The following GNPTAB variants were observed in gnomAD, a reference collection of about 807,000 sequenced individuals.
GNPTAB encodes the protein N-acetylglucosamine-1-phosphotransferase subunits alpha/beta.
In GNPTAB, 92 loss-of-function variants were observed where a neutral mutation model predicts 136.6. The ratio of observed to expected loss-of-function variants is 0.67; its 90% CI spans 0.57 to 0.80. GNPTAB has a LOEUF of 0.80. Among genes scored for constraint, GNPTAB ranks in the 30% least tolerant of loss-of-function variants. GNPTAB has a pLI of 0.00. For synonymous variants in GNPTAB, 512 were observed against 535.1 expected, an observed-to-expected ratio of 0.96 and a Z score of 0.60; for missense variants, 1,343 against 1,501.8, an observed-to-expected ratio of 0.89 and a Z score of 1.75.
Position 101,753,480 on chromosome 12 carries a change from T to C in GNPTAB, c.3494A>G (p.Lys1165Arg). 6.2e-7 allele frequency: 1 copy of C among 1,613,836 alleles called. No homozygotes were observed. Among genetic ancestry groups the C allele is most frequent in the South Asian group, 1.1e-5 (1 of 91,076 alleles). Residue 1165 changes from lysine (K) to arginine (R), a missense_variant, in exon 19 of 21, where the codon AAG becomes AGG. Lys to Arg is a conservative substitution (Grantham distance 26, BLOSUM62 2). Coordinates refer to ENST00000299314, the MANE Select transcript of GNPTAB (RefSeq NM_024312.5). ...TTCATAGAAGTCCCTGAGAACAGCC[T>C]TCACTGTCTGAGCATCTTTATGATT... ...DHNHKDAQTVKAVLRDFYESM... is the reference protein window; with the variant it reads ...DHNHKDAQTVRAVLRDFYESM...
Position 101,764,667 on chromosome 12 carries a change from A to AT in GNPTAB, c.2249dup (p.Asn750LysfsTer8), listed in dbSNP as rs281864991. On this transcript the variant is annotated frameshift_variant, in exon 13 of 21. Coordinates refer to ENST00000299314, the MANE Select transcript of GNPTAB (RefSeq NM_024312.5). LOFTEE classifies it high-confidence loss of function. ...TTGTTTCATCTGTTATTATAGCTTG[A>AT]TTTTTTATTTTAGCATGCTGTGAGT... 6.2e-6 allele frequency: 10 copies of AT among 1,612,528 alleles called. No individual in the cohort carries two copies. The highest frequency in any genetic ancestry group is 8.5e-6 in the Non-Finnish European group (10 of 1,179,654).
At chr12:101,780,065 T>C (rs532597639) in intron 7 of GNPTAB, 87 bp downstream of exon 7, 52 of 1,311,012 alleles carry the variant, frequency 4.0e-5, no homozygotes, top group East Asian at 2.3e-4. Context: ...CAGCTAAACT[T>C]TGGGGGAAAA....
In GNPTAB at chr12:101,791,487, A is replaced by C. The variant is rs563744664; in HGVS notation, c.204-1430T>G. ...AAAAAAAAAAAATAATAAACCACGC[A>C]AAAAAAAAAAAAATCTCATCATGTT... On this transcript the variant is annotated intron_variant, in intron 2 of 20. Coordinates refer to ENST00000299314, the MANE Select transcript of GNPTAB (RefSeq NM_024312.5). Among the ~76,000 whole-genome samples the C allele has an allele frequency of 3.2e-4, 38 of 118,578 alleles. No homozygotes were observed. The South Asian group carries it at 8.9e-3, about 28-fold the overall frequency. The allele number at this position is 118,578 out of a possible 152,430, so 77.8% of individuals were successfully genotyped here.
chr12:101,803,858 T>C (rs1279539081), intron 1 of GNPTAB, among the ~76,000 whole-genome samples: 1 of 152,112 alleles, frequency 6.6e-6, no homozygotes, highest in Non-Finnish European at 1.5e-5. Context: ...GAGATTTTTA[T>C]GGAAATAAAG....
chr12:101,785,765 G>A (rs1868606277), intron 5 of GNPTAB: 1 of 475,668 alleles, frequency 2.1e-6, no homozygotes, highest in South Asian at 2.4e-5. Context: ...AGGTAATTGT[G>A]ATATCAGATT....
chr12:101,816,133 G>T (rs1427998609), intron 1 of GNPTAB, among the ~76,000 whole-genome samples: 1 of 152,102 alleles, frequency 6.6e-6, no homozygotes, highest in Non-Finnish European at 1.5e-5. Context: ...AATCATCTGG[G>T]CAGAGACTTA....
At chr12:101,774,070 A>C (rs982972754) in intron 7 of GNPTAB, among the ~76,000 whole-genome samples, 2 of 152,202 alleles carry the variant, frequency 1.3e-5, no homozygotes, top group African/African-American at 4.8e-5. Flanking sequence ...TAGCAGCATC[A>C]TCTAGAACAA....
At chr12:101,772,451 A>T (rs61938169) in intron 7 of GNPTAB, among the ~76,000 whole-genome samples, 15,125 of 152,254 alleles carry the variant, frequency 0.099, 914 homozygotes, top group East Asian at 0.2. Context: ...AATTTCATTT[A>T]TATCTTTTCC....
At position 101,764,709 on chromosome 12, in the gene GNPTAB, C is replaced by T. The variant is rs2137116860; in HGVS notation, c.2208G>A (p.Leu736=). 2 of 1,613,420 alleles carry T rather than the reference C, an allele frequency of 1.2e-6. No individual in the cohort carries two copies. Among genetic ancestry groups the T allele is most frequent in the Non-Finnish European group, 1.7e-6 (2 of 1,179,594 alleles). The change falls in exon 13 of 21, where the codon CTG becomes CTA. Residue 736 remains leucine (L), a synonymous_variant. Coordinates refer to ENST00000299314, the MANE Select transcript of GNPTAB (RefSeq NM_024312.5). The stretch of plus-strand genomic sequence containing the variant: ...GCTGTGAGTTCATCAGAAATGATCT[C>T]AGCAAGGCTGACTTGGACAAATTGT... ...KGYNLSKSAL[L]RSFLMNSQHA...
intron 1 of GNPTAB, among the ~76,000 whole-genome samples, chr12:101,826,980 A>C (rs1316742004): frequency 2.1e-5 from 1 of 46,550 alleles, no homozygotes; most frequent in Admixed American, 3.0e-4. Flanking sequence ...TTTTTTTTTG[A>C]GACCAGGTCT....
rs560149982 is a variant in GNPTAB, at chr12:101,769,313, AG to A, written c.1284+707del. ...ACCTCTCACAAAGTTAGAGTGCAAC[AG>A]GCTACCTTAAATGAAATTACATCTA... On this transcript the variant is annotated intron_variant, in intron 10 of 20. Coordinates refer to ENST00000299314, the MANE Select transcript of GNPTAB (RefSeq NM_024312.5). Among the ~76,000 whole-genome samples the A allele has an allele frequency of 8.6e-4, 131 of 152,318 alleles. 1 individual carries two copies. Among genetic ancestry groups the A allele is most frequent in the African/African-American group, 1.6e-3 (67 of 41,566 alleles).
At chr12:101,830,347 G>A (rs1309679013) in intron 1 of GNPTAB, among the ~76,000 whole-genome samples, 2 of 152,180 alleles carry the variant, frequency 1.3e-5, no homozygotes, top group Non-Finnish European at 2.9e-5. Context: ...GTATTTGGCC[G>A]GGAGCGGTGG....
chr12:101,793,829 C>CTTATTTAT (rs574103129), intron 2 of GNPTAB, among the ~76,000 whole-genome samples: 1 of 151,938 alleles, frequency 6.6e-6, no homozygotes, highest in Non-Finnish European at 1.5e-5. Flanking sequence ...TTTTGTCTTA[C>CTTATTTAT]TTATTTATTT....
intron 3 of GNPTAB, 32 bp downstream of exon 3, chr12:101,789,906 C>A: frequency 6.2e-7 from 1 of 1,605,050 alleles, no homozygotes; most frequent in Non-Finnish European, 8.5e-7. Context: ...GCCACATTAC[C>A]CATCTGATGT....
At chr12:101,810,178 T>G (rs746726693) in intron 1 of GNPTAB, among the ~76,000 whole-genome samples, 2 of 151,854 alleles carry the variant, frequency 1.3e-5, no homozygotes, top group Non-Finnish European at 2.9e-5. Flanking sequence ...AGGCCACGAG[T>G]TCAAGGCTGC....
intron 10 of GNPTAB, among the ~76,000 whole-genome samples, 156 bp downstream of exon 10, chr12:101,769,865 A>C (rs1030062569): frequency 6.6e-6 from 1 of 152,192 alleles, no homozygotes; most frequent in African/African-American, 2.4e-5. Flanking sequence ...CTAGGTGGTC[A>C]AGTGATCCAC....
intron 4 of GNPTAB, among the ~76,000 whole-genome samples, chr12:101,787,261 T>C (rs1029360542): frequency 1.3e-5 from 2 of 152,118 alleles, no homozygotes; most frequent in African/African-American, 2.4e-5. Flanking sequence ...ATTTAGTAAA[T>C]TACAGTAGTC....
chr12:101,827,882 A>G (rs1871178270), intron 1 of GNPTAB, among the ~76,000 whole-genome samples: 2 of 152,108 alleles, frequency 1.3e-5, no homozygotes, highest in Admixed American at 6.6e-5. Flanking sequence ...AGGGAAAATT[A>G]CTTGAACCTG....
intron 18 of GNPTAB, among the ~76,000 whole-genome samples, chr12:101,755,870 T>A (rs1293485407): frequency 6.6e-6 from 1 of 152,206 alleles, no homozygotes; most frequent in Non-Finnish European, 1.5e-5. Flanking sequence ...TCCCTTTAAG[T>A]ACCATGAAAA....
Sources: allele counts gnomAD v4.1 joint callset (sites outside exome capture counted in the v4.1 genomes callset), GRCh38; gene constraint gnomAD v4.1.1; transcripts MANE v1.5; gene names NCBI Gene and HGNC (gene_info 2026-07-23, HGNC 2026-07-21).